Variants in MACROD2 observed in about 807,000 individuals in gnomAD.
The protein encoded by MACROD2 is mono-ADP ribosylhydrolase 2.
A neutral mutation model predicts 70.4 loss-of-function variants in MACROD2; 36 were observed. The ratio of observed to expected loss-of-function variants is 0.51; its 90% CI spans 0.39 to 0.68. MACROD2 has a LOEUF of 0.68. Ranked by LOEUF, MACROD2 falls within the 30% of genes least tolerant of loss-of-function variation. The pLI, the probability that MACROD2 is intolerant of heterozygous loss-of-function variation, is 0.00. For missense variants in MACROD2, 496 were observed against 538.4 expected (o/e 0.92, Z 0.78); for synonymous variants, 172 against 178.8 (o/e 0.96, Z 0.30).
At chr20:14,409,957 T>A (rs1171643076) in intron 3 of MACROD2, among the ~76,000 whole-genome samples, 1 of 152,120 alleles carries the variant, frequency 6.6e-6, no homozygotes, top group Non-Finnish European at 1.5e-5. Context: ...TAGGTAGACA[T>A]GAAAGTTTTT....
chr20:16,011,406 A>T (rs1224769175), intron 15 of MACROD2, among the ~76,000 whole-genome samples: 1 of 152,234 alleles, frequency 6.6e-6, no homozygotes, highest in African/African-American at 2.4e-5. Flanking sequence ...CCAGTTGTCC[A>T]GAGTTGAACC....
At chr20:14,741,099 C>T (rs2071726774) in intron 5 of MACROD2, among the ~76,000 whole-genome samples, 1 of 152,106 alleles carries the variant, frequency 6.6e-6, no homozygotes, top group Non-Finnish European at 1.5e-5. Context: ...TCATTTCGGT[C>T]ATTTATATAT....
chr20:14,178,726 CTTT>C (rs79773305), intron 3 of MACROD2, among the ~76,000 whole-genome samples: 2 of 102,984 alleles, frequency 1.9e-5, no homozygotes, highest in Non-Finnish European at 4.0e-5. Context: ...GCCAAGTCAG[CTTT>C]TTTTTTTTTT....
intron 5 of MACROD2, among the ~76,000 whole-genome samples, chr20:14,892,079 C>T (rs371713414): frequency 1.6e-4 from 24 of 152,210 alleles, no homozygotes; most frequent in African/African-American, 3.6e-4. Flanking sequence ...TTGAAGGTTT[C>T]GATAGTTGTC....
chr20:15,560,535 G>A (rs533527816), intron 8 of MACROD2, among the ~76,000 whole-genome samples: 15 of 152,034 alleles, frequency 9.9e-5, no homozygotes, highest in Admixed American at 3.9e-4. Context: ...GCTGAGGTAG[G>A]CAAGATAACT....
At chr20:15,465,332 G>T (rs950061704) in intron 7 of MACROD2, among the ~76,000 whole-genome samples, 2 of 152,216 alleles carry the variant, frequency 1.3e-5, no homozygotes, top group South Asian at 4.1e-4. Flanking sequence ...ACATGAAAAT[G>T]AAAACCAGCA....
At chr20:14,847,491 T>G (rs1177348102) in intron 5 of MACROD2, among the ~76,000 whole-genome samples, 1 of 150,222 alleles carries the variant, frequency 6.7e-6, no homozygotes, top group Non-Finnish European at 1.5e-5. Context: ...GCCTGTTTTT[T>G]TTTTTTTTTT....
intron 15 of MACROD2, among the ~76,000 whole-genome samples, chr20:16,004,214 G>A (rs1310032703): frequency 6.6e-6 from 1 of 152,146 alleles, no homozygotes; most frequent in Admixed American, 6.5e-5. Flanking sequence ...TCGGAGATCA[G>A]CCACTTATAA....
chr20:15,770,484 A>T (rs2051606271), intron 8 of MACROD2, among the ~76,000 whole-genome samples: 1 of 151,978 alleles, frequency 6.6e-6, no homozygotes, highest in Non-Finnish European at 1.5e-5. Context: ...CTCATCTCTG[A>T]CTCTATTACA....
At chr20:15,873,838 A>T (rs1482627683) in intron 9 of MACROD2, among the ~76,000 whole-genome samples, 1 of 152,236 alleles carries the variant, frequency 6.6e-6, no homozygotes, top group South Asian at 2.1e-4. Context: ...AAGCCTATGG[A>T]CTTCGCCTCA....
In MACROD2 at chr20:15,597,136, G is replaced by A. The variant is rs550725307; in HGVS notation, c.645+97289G>A. Among the ~76,000 whole-genome samples the A allele has an allele frequency of 3.3e-5, 5 of 152,288 alleles. No individual in the cohort carries two copies. The East Asian group carries it at 9.6e-4, about 29-fold the overall frequency. Reference sequence around the variant, plus strand: ...GACAAACTTTTTGAAGATAGGTGCTGGTATATGGTGAATCTCATTCTTCTC... The same window carrying A: ...GACAAACTTTTTGAAGATAGGTGCTAGTATATGGTGAATCTCATTCTTCTC... On this transcript the variant is annotated intron_variant, in intron 8 of 17. Coordinates refer to ENST00000684519, the MANE Select transcript of MACROD2 (RefSeq NM_001351661.2).
intron 5 of MACROD2, among the ~76,000 whole-genome samples, chr20:14,901,507 G>A (rs938722382): frequency 6.6e-6 from 1 of 151,988 alleles, no homozygotes; most frequent in South Asian, 2.1e-4. Flanking sequence ...CTCTTGAAAC[G>A]AACTTTAGGA....
chr20:14,227,717 A>C (rs1028090726), intron 3 of MACROD2, among the ~76,000 whole-genome samples: 2 of 152,234 alleles, frequency 1.3e-5, no homozygotes, highest in African/African-American at 4.8e-5. Flanking sequence ...TTTAGATGCC[A>C]ACTTTACTTT....
At chr20:15,553,600 A>G (rs2048126612) in intron 8 of MACROD2, among the ~76,000 whole-genome samples, 2 of 151,998 alleles carry the variant, frequency 1.3e-5, no homozygotes, top group Non-Finnish European at 2.9e-5. Flanking sequence ...TGTAATTTTT[A>G]GTAGAGTTGG....
At chr20:14,107,343 A>G (rs997932586) in intron 3 of MACROD2, among the ~76,000 whole-genome samples, 1 of 152,158 alleles carries the variant, frequency 6.6e-6, no homozygotes, top group Non-Finnish European at 1.5e-5. Flanking sequence ...ATTAAAATAC[A>G]CAGTCAGAAG....
chr20:15,456,227 C>A (rs1230665696), intron 7 of MACROD2, among the ~76,000 whole-genome samples: 3 of 152,176 alleles, frequency 2.0e-5, no homozygotes, highest in African/African-American at 7.2e-5. Flanking sequence ...CATGCCCCAG[C>A]CTCTAGAATG....
At chr20:15,107,796 G>A (rs1304055507) in intron 5 of MACROD2, among the ~76,000 whole-genome samples, 1 of 152,024 alleles carries the variant, frequency 6.6e-6, no homozygotes, top group South Asian at 2.1e-4. Flanking sequence ...TTGTTTTAAT[G>A]TGATAGAATG....
chr20:15,642,689 A>G (rs2049480196), intron 8 of MACROD2, among the ~76,000 whole-genome samples: 1 of 151,820 alleles, frequency 6.6e-6, no homozygotes, highest in Non-Finnish European at 1.5e-5. Flanking sequence ...AATAAAAATA[A>G]TCTTTTCTTT....
At chr20:15,864,369 A>G (rs188969653) in intron 9 of MACROD2, among the ~76,000 whole-genome samples, 16 of 152,298 alleles carry the variant, frequency 1.1e-4, no homozygotes, top group Non-Finnish European at 1.9e-4. Flanking sequence ...TGTGTGAAGC[A>G]AATATTCTCA....
Sources: allele counts gnomAD v4.1 joint callset (sites outside exome capture counted in the v4.1 genomes callset), GRCh38; gene constraint gnomAD v4.1.1; transcripts MANE v1.5; gene names NCBI Gene and HGNC (gene_info 2026-07-23, HGNC 2026-07-21).